Variants in PIP5K1B observed in about 807,000 individuals in gnomAD.
PIP5K1B encodes the protein phosphatidylinositol 4-phosphate 5-kinase type-1 beta.
A neutral mutation model predicts 67.0 loss-of-function variants in PIP5K1B; 42 were observed. The ratio of observed to expected loss-of-function variants is 0.63; its 90% CI spans 0.49 to 0.81. The LOEUF (loss-of-function observed/expected upper bound fraction) is 0.81, where lower values mean the gene tolerates loss of function less well. PIP5K1B is among the 30% of genes least tolerant of loss of function. The probability of loss-of-function intolerance (pLI) is 0.00; values close to 1 mark genes in which losing one functional copy is unlikely to be tolerated. For missense variants in PIP5K1B, 459 were observed against 646.3 expected (o/e 0.71, Z 3.14); for synonymous variants, 214 against 231.4 (o/e 0.92, Z 0.68).
At chr9:68,970,886 C>T (rs1054488674) in intron 14 of PIP5K1B, among the ~76,000 whole-genome samples, 1 of 152,216 alleles carries the variant, frequency 6.6e-6, no homozygotes, top group African/African-American at 2.4e-5. Flanking sequence ...TAATGTTTTC[C>T]TCTTGCCTTC....
intron 3 of PIP5K1B, among the ~76,000 whole-genome samples, chr9:68,821,171 G>A (rs891127690): frequency 1.3e-5 from 2 of 152,146 alleles, no homozygotes; most frequent in Non-Finnish European, 1.5e-5. Context: ...TGGGAGGATT[G>A]TCTGAGCCTG....
intron 4 of PIP5K1B, among the ~76,000 whole-genome samples, chr9:68,843,783 G>A (rs1822044098): frequency 6.6e-6 from 1 of 152,124 alleles, no homozygotes; most frequent in African/African-American, 2.4e-5. Flanking sequence ...ACCATGCCAG[G>A]TTTCTTTTAC....
At chr9:68,754,402 CT>C (rs1313851500) in intron 2 of PIP5K1B, among the ~76,000 whole-genome samples, 8 of 151,920 alleles carry the variant, frequency 5.3e-5, no homozygotes, top group African/African-American at 1.9e-4. Flanking sequence ...ATCTCCCGAC[CT>C]CGTGATTCAC....
chr9:68,931,133 C>T (rs1184121608), intron 12 of PIP5K1B, among the ~76,000 whole-genome samples: 1 of 152,044 alleles, frequency 6.6e-6, no homozygotes, highest in South Asian at 2.1e-4. Context: ...GTGAGTCATG[C>T]TGCCGGTGTA....
intron 2 of PIP5K1B, chr9:68,780,901 G>A: frequency 1.2e-6 from 2 of 1,614,162 alleles, no homozygotes; most frequent in Non-Finnish European, 1.7e-6. Context: ...ACCCTTGATG[G>A]AAACAGCAGC....
chr9:68,779,488 G>C (rs1831101623), intron 2 of PIP5K1B, among the ~76,000 whole-genome samples: 1 of 152,184 alleles, frequency 6.6e-6, no homozygotes, highest in Admixed American at 6.5e-5. Context: ...CTGCAGGCCA[G>C]TGAGCTTTTC....
chr9:68,729,536 A>G (rs1828315875), intron 1 of PIP5K1B, among the ~76,000 whole-genome samples: 1 of 152,208 alleles, frequency 6.6e-6, no homozygotes. Context: ...GCAGTGAGAA[A>G]GGGAACATAT....
rs576107720 is a variant in PIP5K1B at position 68,880,632 on chromosome 9, C to A, written c.318+3838C>A. 2.8e-3 allele frequency among the ~76,000 whole-genome samples: 395 copies of A among 140,554 alleles called. 2 individuals are homozygous for A. The highest frequency in any genetic ancestry group is 9.7e-3 in the African/African-American group (378 of 39,026). 92.2% of individuals were successfully genotyped at this position (140,554 alleles called of 152,430 possible). A position where few individuals can be genotyped will look rare whatever the true frequency, so the allele number is the denominator to read the frequency against. ...ACACACACACGCATACACACACACA[C>A]ACACAAAATAGAGGGAAAGATAGAG... On this transcript the variant is annotated intron_variant, in intron 6 of 15. Transcript: ENST00000265382.
chr9:68,837,134 C>T (rs922797195), intron 4 of PIP5K1B, among the ~76,000 whole-genome samples: 5 of 152,240 alleles, frequency 3.3e-5, no homozygotes, highest in African/African-American at 7.2e-5. Context: ...CTCAGAATGC[C>T]TGTCTCCCCA....
chr9:68,751,163 T>C (rs543138431), intron 2 of PIP5K1B, among the ~76,000 whole-genome samples: 2 of 152,324 alleles, frequency 1.3e-5, no homozygotes, highest in South Asian at 2.1e-4. Flanking sequence ...TAAGCCTCAG[T>C]ATTGTTATAA....
At chr9:68,756,863 A>G in intron 2 of PIP5K1B, among the ~76,000 whole-genome samples, 1 of 152,206 alleles carries the variant, frequency 6.6e-6, no homozygotes. Flanking sequence ...TCTTAATGAT[A>G]TATTTTATGT....
intron 2 of PIP5K1B, among the ~76,000 whole-genome samples, chr9:68,757,419 A>G (rs1829979027): frequency 6.6e-6 from 1 of 152,182 alleles, no homozygotes; most frequent in South Asian, 2.1e-4. Flanking sequence ...ACCTAGTTTC[A>G]TTAAACTTAG....
rs772151290 is a variant in PIP5K1B, at chr9:68,822,709, G to A, written c.69+26G>A. 5.9e-6 allele frequency: 9 copies of A among 1,513,292 alleles called. No homozygotes were observed. In the Admixed American group the frequency reaches 1.0e-4, roughly 17 times the overall value. 93.7% of individuals were successfully genotyped at this position (1,513,292 alleles called of 1,614,324 possible). A position where few individuals can be genotyped will look rare whatever the true frequency, so the allele number is the denominator to read the frequency against. On this transcript the variant is annotated intron_variant, in intron 4 of 15. Coordinates refer to ENST00000265382, the MANE Select transcript of PIP5K1B (RefSeq NM_003558.4). ...GTGAGTGTGCATTTTATTTTCTAAA[G>A]AGGAACACCGTTTTGCTGTTTGGCA...
intron 14 of PIP5K1B, among the ~76,000 whole-genome samples, chr9:68,986,616 A>C (rs919245569): frequency 6.6e-6 from 1 of 152,222 alleles, no homozygotes; most frequent in Admixed American, 6.5e-5. Flanking sequence ...AAAGATGCCC[A>C]TTTGATTTTA....
At chr9:68,785,787 A>G (rs1831578140) in intron 2 of PIP5K1B, among the ~76,000 whole-genome samples, 1 of 152,206 alleles carries the variant, frequency 6.6e-6, no homozygotes, top group South Asian at 2.1e-4. Context: ...GGGTTCGTAC[A>G]CAATGTGCTT....
At chr9:68,821,002 G>A (rs1356237439) in intron 3 of PIP5K1B, among the ~76,000 whole-genome samples, 1 of 152,200 alleles carries the variant, frequency 6.6e-6, no homozygotes, top group Non-Finnish European at 1.5e-5. Flanking sequence ...GGTAAGCTGG[G>A]CACAGTGCCT....
At chr9:68,890,233 A>G (rs1824714683) in intron 7 of PIP5K1B, among the ~76,000 whole-genome samples, 1 of 152,232 alleles carries the variant, frequency 6.6e-6, no homozygotes, top group Non-Finnish European at 1.5e-5. Context: ...GTAATATTTT[A>G]GAGACAAAGG....
At chr9:68,786,793 G>T (rs895511913) in intron 2 of PIP5K1B, among the ~76,000 whole-genome samples, 2 of 152,052 alleles carry the variant, frequency 1.3e-5, no homozygotes, top group African/African-American at 4.8e-5. Context: ...GTAAATACAT[G>T]GTAGAGTAGA....
intron 15 of PIP5K1B, among the ~76,000 whole-genome samples, chr9:68,995,377 C>T (rs772280559): frequency 6.6e-6 from 1 of 152,184 alleles, no homozygotes; most frequent in African/African-American, 2.4e-5. Context: ...GAAAGTCCTG[C>T]ACCATTAACT....
Sources: allele counts gnomAD v4.1 joint callset (sites outside exome capture counted in the v4.1 genomes callset), GRCh38; gene constraint gnomAD v4.1.1; transcripts MANE v1.5; gene names NCBI Gene and HGNC (gene_info 2026-07-23, HGNC 2026-07-21).